NBEA: variants seen among roughly 807,000 people sequenced by gnomAD.
NBEA encodes the protein lysosomal-trafficking regulator 2.
A neutral mutation model predicts 343.4 loss-of-function variants in NBEA; 44 were observed. The ratio of observed to expected loss-of-function variants is 0.13; its 90% CI spans 0.10 to 0.16. NBEA has a LOEUF of 0.16. NBEA is among the 10% of genes least tolerant of loss of function. The pLI, the probability that NBEA is intolerant of heterozygous loss-of-function variation, is 1.00. For missense variants in NBEA, 2,555 were observed against 3,631.3 expected (o/e 0.70, Z 7.62); for synonymous variants, 1,175 against 1,238.7 (o/e 0.95, Z 1.08).
chr13:35,367,976 G>A (rs528222065), intron 38 of NBEA, among the ~76,000 whole-genome samples: 1 of 151,540 alleles, frequency 6.6e-6, no homozygotes, highest in Non-Finnish European at 1.5e-5. Flanking sequence ...AATAACTGAT[G>A]GATTGTTAAA....
At chr13:35,140,637 G>A (rs2068033916) in intron 17 of NBEA, among the ~76,000 whole-genome samples, 1 of 152,060 alleles carries the variant, frequency 6.6e-6, no homozygotes, top group South Asian at 2.1e-4. Context: ...CTGGACTGAG[G>A]CAGATAGGGT....
chr13:35,223,178 C>G (rs903767614), intron 33 of NBEA, among the ~76,000 whole-genome samples: 1 of 152,078 alleles, frequency 6.6e-6, no homozygotes, highest in Non-Finnish European at 1.5e-5. Context: ...TTGCTCTAGA[C>G]AGTGAATTTT....
chr13:35,482,002 T>G (rs1181715393), intron 41 of NBEA, among the ~76,000 whole-genome samples: 2 of 151,822 alleles, frequency 1.3e-5, no homozygotes, highest in Non-Finnish European at 3.0e-5. Context: ...CTGTATGTGA[T>G]TAAGCCACTG....
chr13:35,082,660 G>A (rs907174081), intron 10 of NBEA, among the ~76,000 whole-genome samples: 1 of 152,160 alleles, frequency 6.6e-6, no homozygotes, highest in African/African-American at 2.4e-5. Context: ...GCATTTCTCT[G>A]ATGGCCAGTG....
intron 27 of NBEA, 117 bp from the exon 28 acceptor site, chr13:35,176,879 G>A (rs2152726654): frequency 3.1e-6 from 2 of 637,064 alleles, no homozygotes; most frequent in East Asian, 2.8e-5. Context: ...ATCAATAAAT[G>A]TTAACTCAGA....
chr13:35,257,802 A>G (rs1280766249), intron 34 of NBEA, among the ~76,000 whole-genome samples: 1 of 152,202 alleles, frequency 6.6e-6, no homozygotes, highest in East Asian at 1.9e-4. Flanking sequence ...TAATTTTCAT[A>G]TAGATCTGAT....
chr13:35,557,646 G>T (rs576217562), intron 44 of NBEA, among the ~76,000 whole-genome samples: 1 of 152,180 alleles, frequency 6.6e-6, no homozygotes, highest in Non-Finnish European at 1.5e-5. Flanking sequence ...ATGAAAGCCT[G>T]ACTATTGTAA....
In NBEA at chr13:35,469,023, C is replaced by CG. The variant is rs1188318723; in HGVS notation, c.6449-3371dup. Among the ~76,000 whole-genome samples the CG allele has an allele frequency of 5.5e-5, 7 of 127,900 alleles. No homozygotes were observed. The East Asian group carries it at 9.9e-4, about 18-fold the overall frequency. 83.9% of individuals were successfully genotyped at this position (127,900 alleles called of 152,430 possible). A position where few individuals can be genotyped will look rare whatever the true frequency, so the allele number is the denominator to read the frequency against. On this transcript the variant is annotated intron_variant, in intron 40 of 58. Transcript: ENST00000379939. ...CTGAGGCAGGAGAATCGCTTGAGCTCGGGGGGCAGAAGTTGCAGTGAGCCA... is the reference window on the plus strand; with the variant it reads ...CTGAGGCAGGAGAATCGCTTGAGCTCGGGGGGGCAGAAGTTGCAGTGAGCCA...
intron 38 of NBEA, among the ~76,000 whole-genome samples, chr13:35,376,915 GCC>G (rs562682999): frequency 1.7e-3 from 259 of 152,194 alleles, no homozygotes; most frequent in African/African-American, 5.2e-3. Context: ...CTATTGAGAG[GCC>G]CTGTCCCACA....
chr13:34,954,882 C>T (rs2059446306), intron 1 of NBEA, among the ~76,000 whole-genome samples: 1 of 152,104 alleles, frequency 6.6e-6, no homozygotes, highest in Admixed American at 6.5e-5. Flanking sequence ...TATTTTCGAT[C>T]CCCTATTGGT....
intron 1 of NBEA, among the ~76,000 whole-genome samples, chr13:35,001,952 T>G (rs2061156526): frequency 1.3e-5 from 2 of 152,214 alleles, no homozygotes; most frequent in South Asian, 2.1e-4. Context: ...AATTAAAAAT[T>G]AAAATAGGTG....
intron 1 of NBEA, among the ~76,000 whole-genome samples, chr13:35,016,085 A>G (rs2061647236): frequency 6.6e-6 from 1 of 152,158 alleles, no homozygotes; most frequent in Admixed American, 6.5e-5. Flanking sequence ...AACCCCAGAT[A>G]TTCAAGTATT....
intron 1 of NBEA, among the ~76,000 whole-genome samples, chr13:34,957,284 A>G (rs1462840058): frequency 6.6e-6 from 1 of 152,160 alleles, no homozygotes; most frequent in Non-Finnish European, 1.5e-5. Context: ...CAAAGCTTAA[A>G]ATAATTAAAC....
chr13:35,212,868 T>C (rs1482740810), intron 33 of NBEA, among the ~76,000 whole-genome samples: 1 of 152,024 alleles, frequency 6.6e-6, no homozygotes, highest in African/African-American at 2.4e-5. Context: ...TTTTTTAAAT[T>C]GTGGGCTTTT....
chr13:35,343,792 T>C (rs2039723406), intron 36 of NBEA, among the ~76,000 whole-genome samples: 2 of 152,108 alleles, frequency 1.3e-5, no homozygotes, highest in Non-Finnish European at 1.5e-5. Flanking sequence ...CACCCCCAGA[T>C]GGGAACATTT....
chr13:35,169,825 A>G (rs2070326999), intron 25 of NBEA, among the ~76,000 whole-genome samples: 1 of 151,772 alleles, frequency 6.6e-6, no homozygotes, highest in Non-Finnish European at 1.5e-5. Context: ...AATTGATATT[A>G]TGAAGTGATG....
chr13:35,431,720 G>A (rs2045126961), intron 38 of NBEA, among the ~76,000 whole-genome samples: 1 of 152,076 alleles, frequency 6.6e-6, no homozygotes, highest in South Asian at 2.1e-4. Context: ...TTTTTCTCAG[G>A]TTGCTGTGGG....
chr13:35,157,827 T>C (rs589524), intron 21 of NBEA, among the ~76,000 whole-genome samples: 119,418 of 151,898 alleles, frequency 0.79, 47,181 homozygotes, highest in South Asian at 0.87. Context: ...TTCAGAGTTA[T>C]GGGTTTCTCA....
chr13:35,110,261 A>G (rs2066135643), intron 12 of NBEA, among the ~76,000 whole-genome samples: 2 of 148,008 alleles, frequency 1.4e-5, no homozygotes, highest in Admixed American at 1.4e-4. Flanking sequence ...AATGCTCATC[A>G]TCTTTGACAA....
Sources: gnomAD v4.1 joint callset for allele counts (sites outside exome capture counted in the v4.1 genomes callset) on GRCh38, gnomAD v4.1.1 for gene constraint, MANE v1.5 for transcripts, NCBI Gene and HGNC (gene_info 2026-07-23, HGNC 2026-07-21) for gene names.